Variants in TANGO6 observed in about 807,000 individuals in gnomAD.
The protein encoded by TANGO6 is transport and Golgi organization protein 6 homolog.
In TANGO6, 90 loss-of-function variants were observed where a neutral mutation model predicts 114.2. The ratio of observed to expected loss-of-function variants is 0.79; its 90% CI spans 0.66 to 0.94. The LOEUF is 0.94. TANGO6 is among the 40% of genes least tolerant of loss of function. The pLI is 0.00. For synonymous variants in TANGO6, 477 were observed against 509.8 expected, an observed-to-expected ratio of 0.94 and a Z score of 0.87; for missense variants, 1,274 against 1,315.3, an observed-to-expected ratio of 0.97 and a Z score of 0.49.
At chr16:68,899,881 G>A (rs1223443333) in intron 7 of TANGO6, among the ~76,000 whole-genome samples, 3 of 152,104 alleles carry the variant, frequency 2.0e-5, no homozygotes, top group Non-Finnish European at 4.4e-5. Flanking sequence ...TTACAGACAT[G>A]AGCCACTGTG....
chr16:69,051,802 C>T (rs1039593477), intron 17 of TANGO6, among the ~76,000 whole-genome samples: 9 of 152,064 alleles, frequency 5.9e-5, no homozygotes, highest in South Asian at 4.1e-4. Flanking sequence ...GCCAAGATCA[C>T]GCCACTGCAC....
chr16:69,027,783 T>A (rs887064336), intron 16 of TANGO6, among the ~76,000 whole-genome samples: 7 of 131,344 alleles, frequency 5.3e-5, no homozygotes, highest in African/African-American at 1.3e-4. Flanking sequence ...CCAAACCCAA[T>A]TTTTTTTTTT....
At chr16:68,918,243 G>A (rs1041251004) in intron 11 of TANGO6, among the ~76,000 whole-genome samples, 2 of 152,276 alleles carry the variant, frequency 1.3e-5, no homozygotes, top group East Asian at 3.9e-4. Flanking sequence ...AGAGTTCTCT[G>A]TAAATTTTGG....
intron 15 of TANGO6, among the ~76,000 whole-genome samples, chr16:69,008,608 G>A (rs1387335362): frequency 2.0e-5 from 3 of 151,678 alleles, no homozygotes; most frequent in Non-Finnish European, 4.4e-5. Context: ...TCCATTTGAA[G>A]TTAATTTTTG....
chr16:69,064,653 C>A (rs1415098646), intron 17 of TANGO6, among the ~76,000 whole-genome samples: 1 of 152,160 alleles, frequency 6.6e-6, no homozygotes, highest in Non-Finnish European at 1.5e-5. Context: ...CTGACAGATG[C>A]AGATTTGAAT....
chr16:68,980,383 T>TCTCTCTCTCTCTCTCTCTCTCTC lies in TANGO6; in HGVS notation c.2842+6215_2842+6216insCTCTCTCTCTCTCTCTCTCTCTC, dbSNP rs1555526453. ...TGAGTATGAATCTATCTGTCTGTCA[T>TCTCTCTCTCTCTCTCTCTCTCTC]TCTCTCTCTCTCTCTCTCTCTCTCT... is the stretch of plus-strand genomic sequence containing the variant. On this transcript the variant is annotated intron_variant, in intron 15 of 17. Coordinates refer to ENST00000261778, the MANE Select transcript of TANGO6 (RefSeq NM_024562.2). Among the ~76,000 whole-genome samples, 44 of 36,818 alleles carry TCTCTCTCTCTCTCTCTCTCTCTC rather than the reference T, an allele frequency of 1.2e-3. 1 individual carries two copies. The highest frequency in any genetic ancestry group is 1.4e-3 in the African/African-American group (13 of 9,422). The allele number at this position is 36,818 out of a possible 152,430, so 24.2% of individuals were successfully genotyped here.
chr16:69,008,563 T>G (rs1057078920), intron 15 of TANGO6, among the ~76,000 whole-genome samples: 2 of 152,012 alleles, frequency 1.3e-5, no homozygotes, highest in Admixed American at 1.3e-4. Flanking sequence ...GTTTTAAGAG[T>G]TTTACAATTT....
At chr16:68,952,629 C>G (rs1007270257) in intron 14 of TANGO6, among the ~76,000 whole-genome samples, 1 of 152,202 alleles carries the variant, frequency 6.6e-6, no homozygotes, top group Non-Finnish European at 1.5e-5. Flanking sequence ...ACGTTGAGAA[C>G]TTGGCAGTGG....
At chr16:68,950,098 A>G (rs1175888392) in intron 14 of TANGO6, among the ~76,000 whole-genome samples, 1 of 152,240 alleles carries the variant, frequency 6.6e-6, no homozygotes, top group Admixed American at 6.5e-5. Flanking sequence ...ACAAATGTAT[A>G]AATTCAGAAA....
chr16:68,875,080 A>G (rs1962333429), intron 4 of TANGO6, 74 bp from the exon 5 acceptor site: 4 of 1,468,746 alleles, frequency 2.7e-6, no homozygotes, highest in Non-Finnish European at 3.7e-6. Context: ...CTTAAATTTT[A>G]AGACAAATTT....
chr16:68,919,675 C>T (rs1403769191), intron 12 of TANGO6, among the ~76,000 whole-genome samples: 1 of 152,212 alleles, frequency 6.6e-6, no homozygotes, highest in African/African-American at 2.4e-5. Flanking sequence ...TAAAGCTTTG[C>T]TTCCAGCCAC....
chr16:68,914,841 A>T (rs1201058836), intron 11 of TANGO6, among the ~76,000 whole-genome samples: 1 of 150,462 alleles, frequency 6.6e-6, no homozygotes, highest in Non-Finnish European at 1.5e-5. Flanking sequence ...GATGGCAATG[A>T]TTGTTGGCTA....
chr16:69,008,553 G>A (rs1184012470), intron 15 of TANGO6, among the ~76,000 whole-genome samples: 1 of 151,956 alleles, frequency 6.6e-6, no homozygotes, highest in East Asian at 1.9e-4. Flanking sequence ...GGCCTTGTAT[G>A]TTTTAAGAGT....
At chr16:68,907,140 G>A (rs996111690) in intron 9 of TANGO6, among the ~76,000 whole-genome samples, 3 of 143,594 alleles carry the variant, frequency 2.1e-5, no homozygotes, top group African/African-American at 5.2e-5. Context: ...GTAGAGATAG[G>A]GCTTCATTGT....
At chr16:68,958,489 CAA>C (rs71383945) in intron 14 of TANGO6, among the ~76,000 whole-genome samples, 7 of 42,408 alleles carry the variant, frequency 1.7e-4, no homozygotes, top group Non-Finnish European at 1.3e-4. Context: ...AACTCTGTCT[CAA>C]AAAAAAAAAA....
At position 68,860,535 on chromosome 16, in the gene TANGO6, A is replaced by G; in HGVS notation, c.735+11A>G. 2 of 1,607,626 alleles carry G rather than the reference A, an allele frequency of 1.2e-6. No homozygotes were observed. The highest frequency in any genetic ancestry group is 1.7e-6 in the Non-Finnish European group (2 of 1,175,376). Reference sequence around the variant, plus strand: ...ACACCTGCAGAAGAGGTAAATATACATTGAGAAAGAGAGAGGGAGAGATTG... The same window carrying G: ...ACACCTGCAGAAGAGGTAAATATACGTTGAGAAAGAGAGAGGGAGAGATTG... On this transcript the variant is annotated intron_variant, in intron 2 of 17. Coordinates refer to ENST00000261778, the MANE Select transcript of TANGO6 (RefSeq NM_024562.2).
intron 5 of TANGO6, among the ~76,000 whole-genome samples, chr16:68,875,820 T>C (rs1962347222): frequency 6.6e-6 from 1 of 152,114 alleles, no homozygotes; most frequent in South Asian, 2.1e-4. Flanking sequence ...TTGCCCAGCT[T>C]GCTCTCAGAG....
At position 68,862,861 on chromosome 16, in the gene TANGO6, A is replaced by T. The variant is rs762201300; in HGVS notation, c.736-84A>T. ...CCTTCTTTCCGCTCCTCTCACAAGT[A>T]TCTCTGTACAGTGTTGTAAAACTTT... On this transcript the variant is annotated intron_variant, in intron 2 of 17. Transcript: ENST00000261778. The T allele has an allele frequency of 2.2e-5, 19 of 877,974 alleles. No individual in the cohort carries two copies. In the Middle Eastern group the frequency reaches 2.0e-3, roughly 94 times the overall value. 54.4% of individuals were successfully genotyped at this position (877,974 alleles called of 1,614,324 possible). A position where few individuals can be genotyped will look rare whatever the true frequency, so the allele number is the denominator to read the frequency against.
At chr16:68,928,298 A>ATTTTTTTTTTTTTTTT (rs10701295) in intron 13 of TANGO6, among the ~76,000 whole-genome samples, 2 of 98,570 alleles carry the variant, frequency 2.0e-5, no homozygotes, top group East Asian at 3.1e-4. Context: ...CTGAGTGCCA[A>ATTTTTTTTTTTTTTTT]TTTTTTTTTT....
Sources: gnomAD v4.1 joint callset for allele counts (sites outside exome capture counted in the v4.1 genomes callset) on GRCh38, gnomAD v4.1.1 for gene constraint, MANE v1.5 for transcripts, NCBI Gene and HGNC (gene_info 2026-07-23, HGNC 2026-07-21) for gene names.